The following NUMB variants were observed in gnomAD, a reference collection of about 807,000 sequenced individuals.
The protein encoded by NUMB is protein numb homolog.
NUMB carries 29 observed loss-of-function variants against 59.7 expected under a neutral mutation model. The observed-to-expected ratio is 0.49, with a 90% CI of 0.36 to 0.66. The LOEUF is 0.66. Ranked by LOEUF, NUMB falls within the 30% of genes least tolerant of loss-of-function variation. The pLI, the probability that NUMB is intolerant of heterozygous loss-of-function variation, is 0.00. For missense variants in NUMB, 723 were observed against 822.0 expected (o/e 0.88, Z 1.47); for synonymous variants, 288 against 288.2 (o/e 1.00, Z 0.01).
intron 1 of NUMB, among the ~76,000 whole-genome samples, chr14:73,440,037 C>G (rs933813688): frequency 6.6e-6 from 1 of 152,076 alleles, no homozygotes. Context: ...TAAACTGCTT[C>G]CCTCATACAA....
chr14:73,454,667 T>C (rs1168943544), intron 1 of NUMB, among the ~76,000 whole-genome samples: 1 of 152,162 alleles, frequency 6.6e-6, no homozygotes, highest in Non-Finnish European at 1.5e-5. Flanking sequence ...ATAGCACAGT[T>C]AGGATTTTGG....
At chr14:73,299,869 T>C (rs1890032079) in intron 6 of NUMB, among the ~76,000 whole-genome samples, 1 of 152,160 alleles carries the variant, frequency 6.6e-6, no homozygotes, top group South Asian at 2.1e-4. Flanking sequence ...GAATGGGCTT[T>C]GGATTAAGAC....
chr14:73,307,234 G>A (rs573040681), intron 6 of NUMB, among the ~76,000 whole-genome samples: 18 of 151,882 alleles, frequency 1.2e-4, no homozygotes, highest in Non-Finnish European at 2.2e-4. Context: ...GCATGAACCC[G>A]GGAGGCGGAG....
In NUMB at chr14:73,394,692, T is replaced by C. The variant is rs561271264; in HGVS notation, c.-101+15245A>G. ...GTACCCTTTGACCTGTTCCCTCTCT[T>C]CCTCCCTAGATCCTGGCAACCATCA... On this transcript the variant is annotated intron_variant, in intron 2 of 12. Coordinates refer to ENST00000555238, the MANE Select transcript of NUMB (RefSeq NM_001005743.2). Among the ~76,000 whole-genome samples, 38 of 152,282 alleles carry C rather than the reference T, an allele frequency of 2.5e-4. No homozygotes were observed. The South Asian group carries it at 7.7e-3, about 31-fold the overall frequency.
chr14:73,390,844 TCACC>T lies in NUMB; in HGVS notation c.-101+19089_-101+19092del, dbSNP rs1183862920. 1.1e-4 allele frequency among the ~76,000 whole-genome samples: 16 copies of T among 151,772 alleles called. No homozygotes were observed. In the South Asian group the frequency reaches 1.9e-3, roughly 18 times the overall value. ...TTGAATTTTTAGTAGAGACGGGGTT[TCACC>T]ATGTTAGTCAAGCTGGTCTTGAACT... On this transcript the variant is annotated intron_variant, in intron 2 of 12. Coordinates refer to ENST00000555238, the MANE Select transcript of NUMB (RefSeq NM_001005743.2).
At chr14:73,415,149 CTTCAT>C (rs1457490676) in intron 1 of NUMB, among the ~76,000 whole-genome samples, 1 of 151,168 alleles carries the variant, frequency 6.6e-6, no homozygotes, top group Admixed American at 6.6e-5. Flanking sequence ...ATGTGTTTCA[CTTCAT>C]TTCGTCATTG....
At chr14:73,422,087 T>C (rs1421356889) in intron 1 of NUMB, among the ~76,000 whole-genome samples, 7 of 151,480 alleles carry the variant, frequency 4.6e-5, no homozygotes, top group Admixed American at 4.0e-4. Context: ...GAGGTTGCAG[T>C]GAGCCAAGAT....
At chr14:73,418,091 C>T (rs953074429) in intron 1 of NUMB, among the ~76,000 whole-genome samples, 1 of 149,976 alleles carries the variant, frequency 6.7e-6, no homozygotes. Flanking sequence ...GGTGACAGGG[C>T]AAGACTCTGT....
chr14:73,323,399 T>C (rs1038987529), intron 4 of NUMB, among the ~76,000 whole-genome samples, 195 bp from the exon 5 acceptor site: 6 of 152,156 alleles, frequency 3.9e-5, no homozygotes, highest in African/African-American at 1.4e-4. Flanking sequence ...ACTCAAGAAA[T>C]ACACAGCCAG....
chr14:73,277,129 G>T lies in NUMB; in HGVS notation c.1405C>A (p.Pro469Thr). ...TGGGAGATGGCAGTGGGTGGAGGAG[G>T]CTGGAGAACTGGCTGCAGAGGAGCA... ...SAAPLQPVLQ[P>T]PPPTAISQPA... The change falls in exon 13 of 13, where the codon CCT becomes ACT. Residue 469 changes from proline (P) to threonine (T), a missense_variant. Transcript: ENST00000555238. The T allele has an allele frequency of 6.2e-7, 1 of 1,614,042 alleles. No individual in the cohort carries two copies. Among genetic ancestry groups the T allele is most frequent in the Non-Finnish European group, 8.5e-7 (1 of 1,180,016 alleles).
At chr14:73,414,535 G>T (rs1323420693) in intron 1 of NUMB, among the ~76,000 whole-genome samples, 1 of 152,038 alleles carries the variant, frequency 6.6e-6, no homozygotes, top group Non-Finnish European at 1.5e-5. Flanking sequence ...TGGGACTACA[G>T]GTGCAAGCCA....
At chr14:73,416,352 G>A (rs538678543) in intron 1 of NUMB, among the ~76,000 whole-genome samples, 7 of 137,598 alleles carry the variant, frequency 5.1e-5, no homozygotes, top group Non-Finnish European at 7.7e-5. Context: ...TTTTTTACTA[G>A]AATCACTATG....
intron 1 of NUMB, among the ~76,000 whole-genome samples, chr14:73,450,056 T>A (rs1883817978): frequency 6.6e-6 from 1 of 152,202 alleles, no homozygotes; most frequent in Non-Finnish European, 1.5e-5. Flanking sequence ...ACAATAACAG[T>A]ATCTGGAATA....
At chr14:73,300,258 A>G (rs1402228236) in intron 6 of NUMB, among the ~76,000 whole-genome samples, 1 of 152,162 alleles carries the variant, frequency 6.6e-6, no homozygotes, top group Non-Finnish European at 1.5e-5. Context: ...GCTAGAATAC[A>G]AGTTTTAGAC....
intron 2 of NUMB, among the ~76,000 whole-genome samples, chr14:73,367,346 TATAGAGAG>T (rs1405760056): frequency 2.4e-4 from 22 of 91,254 alleles, no homozygotes; most frequent in South Asian, 3.1e-4. Flanking sequence ...TATATATATA[TATAGAGAG>T]AGAGAGAGAG....
At chr14:73,382,586 A>G (rs1895301068) in intron 2 of NUMB, among the ~76,000 whole-genome samples, 4 of 152,164 alleles carry the variant, frequency 2.6e-5, no homozygotes, top group Non-Finnish European at 5.9e-5. Context: ...TTGAAGTGGA[A>G]ACTAGATTTA....
chr14:73,442,660 A>G (rs932284681), intron 1 of NUMB, among the ~76,000 whole-genome samples: 1 of 152,212 alleles, frequency 6.6e-6, no homozygotes, highest in South Asian at 2.1e-4. Context: ...ACAAAAAAAT[A>G]TATGTATATA....
At chr14:73,303,157 G>T (rs1890243916) in intron 6 of NUMB, among the ~76,000 whole-genome samples, 1 of 152,184 alleles carries the variant, frequency 6.6e-6, no homozygotes, top group South Asian at 2.1e-4. Flanking sequence ...GGTGGAGGTT[G>T]CAGTGAGCTG....
rs553512447 is a variant in NUMB, at chr14:73,374,189, A to T, written c.-100-7208T>A. The stretch of plus-strand genomic sequence containing the variant: ...CCAGCCGCTCAGCTAATTTTTTTTT[A>T]AAAATGTTCGTAGAGAATTTTCTCT... On this transcript the variant is annotated intron_variant, in intron 2 of 12. Coordinates refer to ENST00000555238, the MANE Select transcript of NUMB (RefSeq NM_001005743.2). Among the ~76,000 whole-genome samples, 249 of 151,940 alleles carry T rather than the reference A, an allele frequency of 1.6e-3. 2 individuals carry two copies. Among genetic ancestry groups the T allele is most frequent in the African/African-American group, 3.5e-3 (143 of 41,406 alleles).
Sources: allele counts gnomAD v4.1 joint callset (sites outside exome capture counted in the v4.1 genomes callset), GRCh38; gene constraint gnomAD v4.1.1; transcripts MANE v1.5; gene names NCBI Gene and HGNC (gene_info 2026-07-23, HGNC 2026-07-21).